RBM28: variants seen among roughly 807,000 people sequenced by gnomAD.
RBM28 encodes the protein RNA-binding protein 28.
RBM28 carries 78 observed loss-of-function variants against 98.3 expected under a neutral mutation model. The ratio of observed to expected loss-of-function variants is 0.79; its 90% CI spans 0.66 to 0.96. RBM28 has a LOEUF of 0.96. Among genes scored for constraint, RBM28 ranks in the 40% least tolerant of loss-of-function variants. RBM28 has a pLI of 0.00. For missense variants in RBM28, 838 were observed against 913.0 expected (o/e 0.92, Z 1.06); for synonymous variants, 306 against 330.9 (o/e 0.92, Z 0.82).
At chr7:128,326,302 C>CAAAAAAA (rs773183550) in intron 10 of RBM28, among the ~76,000 whole-genome samples, 1 of 51,230 alleles carries the variant, frequency 2.0e-5, no homozygotes, top group Non-Finnish European at 4.0e-5. Flanking sequence ...GACTCCGTCT[C>CAAAAAAA]AAAAAAAAAA....
At chr7:128,314,687 A>G in intron 17 of RBM28, 77 bp downstream of exon 17, 1 of 1,601,958 alleles carries the variant, frequency 6.2e-7, no homozygotes, top group East Asian at 2.2e-5. Context: ...AATGCCACAA[A>G]GAGAAAATAA....
intron 10 of RBM28, among the ~76,000 whole-genome samples, chr7:128,326,800 TA>T (rs1011468717): frequency 7.9e-5 from 12 of 152,224 alleles, no homozygotes; most frequent in Non-Finnish European, 1.2e-4. Context: ...TCATCTGTTC[TA>T]ATTCTTCTTA....
Position 128,336,050 on chromosome 7 carries a change from G to C in RBM28, c.614-8C>G, listed in dbSNP as rs777300419. On this transcript the variant is annotated splice_polypyrimidine_tract_variant and splice_region_variant and intron_variant, in intron 6 of 18. Coordinates refer to ENST00000223073, the MANE Select transcript of RBM28 (RefSeq NM_018077.3). ...CATGGCTCTTTTCCTCACCTATGGAGGGAGGTAAAGAAAGGAGGAATTCAT... is the reference window on the plus strand; with the variant it reads ...CATGGCTCTTTTCCTCACCTATGGACGGAGGTAAAGAAAGGAGGAATTCAT... The C allele has an allele frequency of 2.5e-6, 4 of 1,604,024 alleles. No homozygotes were observed. Among genetic ancestry groups the C allele is most frequent in the Non-Finnish European group, 2.6e-6 (3 of 1,175,016 alleles).
intron 17 of RBM28, among the ~76,000 whole-genome samples, chr7:128,313,552 T>C (rs954565280): frequency 6.6e-6 from 1 of 152,070 alleles, no homozygotes; most frequent in Non-Finnish European, 1.5e-5. Flanking sequence ...GTGGATTGAG[T>C]CCAGGAGTTG....
In RBM28 at chr7:128,330,835, G is replaced by A; in HGVS notation, c.1113C>T (p.Asp371=). 1 of 1,613,648 alleles carries A rather than the reference G, an allele frequency of 6.2e-7. No individual in the cohort carries two copies. The highest frequency in any genetic ancestry group is 8.5e-7 in the Non-Finnish European group (1 of 1,179,568). ...AACACATACCTTTAGAATGCTCTGTGTCTGGATGCAAGACAATGCGGACAT... is the reference window on the plus strand; with the variant it reads ...AACACATACCTTTAGAATGCTCTGTATCTGGATGCAAGACAATGCGGACAT... The part of the protein sequence containing the change: ...LKYVRIVLHP[D]TEHSKGCAFA... Residue 371 remains aspartate, a synonymous_variant, in exon 10 of 19, where the codon GAC becomes GAT. Coordinates refer to ENST00000223073, the MANE Select transcript of RBM28 (RefSeq NM_018077.3).
intron 12 of RBM28, 140 bp from the exon 13 acceptor site, chr7:128,323,731 A>C (rs1796287245): frequency 9.1e-6 from 8 of 877,674 alleles, no homozygotes; most frequent in Non-Finnish European, 1.4e-5. Context: ...GCATTTGGTT[A>C]GGTCCAGAAA....
chr7:128,330,833 G>A lies in RBM28; in HGVS notation c.1115C>T (p.Thr372Ile). 6.2e-7 allele frequency: 1 copy of A among 1,613,326 alleles called. No homozygotes were observed. Among genetic ancestry groups the A allele is most frequent in the Non-Finnish European group, 8.5e-7 (1 of 1,179,270 alleles). The change falls in exon 10 of 19, where the codon ACA becomes ATA. Residue 372 changes from threonine to isoleucine, a missense_variant. Coordinates refer to ENST00000223073, the MANE Select transcript of RBM28 (RefSeq NM_018077.3). ...KYVRIVLHPD[T>I]EHSKGCAFAQ... is the part of the protein sequence containing the mutation. ...ACAACACATACCTTTAGAATGCTCT[G>A]TGTCTGGATGCAAGACAATGCGGAC...
At chr7:128,318,704 C>T (rs892289186) in intron 14 of RBM28, among the ~76,000 whole-genome samples, 3 of 152,050 alleles carry the variant, frequency 2.0e-5, no homozygotes, top group African/African-American at 7.2e-5. Flanking sequence ...ATTTATAAAG[C>T]GGTATGGATG....
intron 9 of RBM28, among the ~76,000 whole-genome samples, chr7:128,331,729 G>T (rs1274183864): frequency 6.6e-6 from 1 of 151,850 alleles, no homozygotes; most frequent in Non-Finnish European, 1.5e-5. Context: ...ATGTTGGAAG[G>T]AAATTTTGTT....
chr7:128,339,404 C>T (rs546027160), intron 2 of RBM28, 83 bp from the exon 3 acceptor site: 4 of 1,255,424 alleles, frequency 3.2e-6, no homozygotes, highest in South Asian at 1.3e-5. Flanking sequence ...AAGCTACTGG[C>T]GACAGATGGC....
Position 128,323,556 on chromosome 7 carries a change from T to C in RBM28, c.1375A>G (p.Ser459Gly). ...TCTCTTTTGGCCATATCAGCAGCACTCACACCCTCTGCAGCCTTCGTCCCA... is the reference window on the plus strand; with the variant it reads ...TCTCTTTTGGCCATATCAGCAGCACCCACACCCTCTGCAGCCTTCGTCCCA... The part of the protein sequence containing the change: ...RAGTKAAEGV[S>G]AADMAKRERF... Residue 459 changes from serine to glycine, a missense_variant, in exon 13 of 19, where the codon AGT becomes GGT. Transcript: ENST00000223073. The C allele has an allele frequency of 6.2e-7, 1 of 1,614,228 alleles. No individual in the cohort carries two copies. Among genetic ancestry groups the C allele is most frequent in the Non-Finnish European group, 8.5e-7 (1 of 1,180,046 alleles).
Position 128,302,050 on chromosome 7 carries a change from CTCTGGGCCAGAGACAGGCATTTTACTTGA to C in RBM28, c.*8718_*8746del, listed in dbSNP as rs1795788616. 1 of 152,184 alleles carries C rather than the reference CTCTGGGCCAGAGACAGGCATTTTACTTGA, an allele frequency of 6.6e-6. No homozygotes were observed. Among genetic ancestry groups the C allele is most frequent in the African/African-American group, 2.4e-5 (1 of 41,432 alleles). The allele number at this position is 152,184 out of a possible 1,614,324, so 9.4% of individuals were successfully genotyped here. A position where few individuals can be genotyped will look rare whatever the true frequency, so the allele number is the denominator to read the frequency against. Reference sequence around the variant, plus strand: ...TTCCCTTCTTTCTCTTCTTCTGGGCCTCTGGGCCAGAGACAGGCATTTTACTTGATGCGATCATCCTCAGCACATGCCTG... The same window carrying C: ...TTCCCTTCTTTCTCTTCTTCTGGGCCTGCGATCATCCTCAGCACATGCCTG... On this transcript the variant is annotated 3_prime_UTR_variant, in exon 19 of 19. Transcript: ENST00000223073.
chr7:128,325,848 T>C lies in RBM28; in HGVS notation c.1173A>G (p.Lys391=), dbSNP rs1303544115. The change falls in exon 11 of 19, where the codon AAA becomes AAG. Residue 391 remains lysine (K), a synonymous_variant. Transcript: ENST00000223073. ...AQFMTQEAAQ[K]CLLAASPENE... ...TCTCTGGAGAAGCAGCTAGAAGGCA[T>C]TTCTGAGCTGCTTCTTGAGTCATGA... 6.2e-7 allele frequency: 1 copy of C among 1,613,728 alleles called. No homozygotes were observed.
At chr7:128,336,714 G>A (rs879500057) in intron 6 of RBM28, among the ~76,000 whole-genome samples, 28 of 152,272 alleles carry the variant, frequency 1.8e-4, no homozygotes, top group Non-Finnish European at 3.2e-4. Flanking sequence ...TCATTCTTTT[G>A]GTTAATCTTC....
At chr7:128,324,792 T>C in intron 11 of RBM28, 98 bp from the exon 12 acceptor site, 1 of 1,519,736 alleles carries the variant, frequency 6.6e-7, no homozygotes, top group Non-Finnish European at 9.1e-7. Flanking sequence ...GGCAGGTGGA[T>C]CACCTGAGGT....
At chr7:128,338,894 A>T (rs185579542) in intron 3 of RBM28, 93 bp from the exon 4 acceptor site, 2 of 935,970 alleles carry the variant, frequency 2.1e-6, no homozygotes, top group Admixed American at 3.7e-5. Context: ...TATGAAAAAC[A>T]TGAATGTTTA....
At chr7:128,317,638 T>C (rs1340046421) in intron 16 of RBM28, 21 bp downstream of exon 16, 1 of 1,531,640 alleles carries the variant, frequency 6.5e-7, no homozygotes, top group South Asian at 1.1e-5. Flanking sequence ...CTTAAAAATA[T>C]GGACCATTTA....
At chr7:128,323,207 C>G (rs115810240) in intron 13 of RBM28, among the ~76,000 whole-genome samples, 1,561 of 152,262 alleles carry the variant, frequency 0.01, 20 homozygotes, top group African/African-American at 0.036. Context: ...TATACTGACA[C>G]CTAATTACAT....
rs117583999 is a variant in RBM28 at position 128,305,671 on chromosome 7, C to T, written c.*5126G>A. 2,875 of 152,374 alleles carry T rather than the reference C, an allele frequency of 0.019. 46 individuals carry two copies. Among genetic ancestry groups the T allele is most frequent in the Non-Finnish European group, 0.03 (2,014 of 68,094 alleles). 9.4% of individuals were successfully genotyped at this position (152,374 alleles called of 1,614,324 possible). A position where few individuals can be genotyped will look rare whatever the true frequency, so the allele number is the denominator to read the frequency against. ...GGGTTTCTTGCACATCCAGACTTCA[C>T]ATCCCGCCTTGTGCATACAGACTGG... On this transcript the variant is annotated 3_prime_UTR_variant, in exon 19 of 19. Coordinates refer to ENST00000223073, the MANE Select transcript of RBM28 (RefSeq NM_018077.3).
Sources: allele counts gnomAD v4.1 joint callset (sites outside exome capture counted in the v4.1 genomes callset), GRCh38; gene constraint gnomAD v4.1.1; transcripts MANE v1.5; gene names NCBI Gene and HGNC (gene_info 2026-07-23, HGNC 2026-07-21).